The following KCNQ5 variants were observed in gnomAD, a reference collection of about 807,000 sequenced individuals.
The protein encoded by KCNQ5 is potassium voltage-gated channel subfamily Q member 5.
Under a neutral mutation model 98.2 loss-of-function variants are expected in KCNQ5, and 30 were observed. That is an observed-to-expected ratio of 0.31 (90% confidence interval 0.23 to 0.41). The LOEUF is 0.41. KCNQ5 is among the 10% of genes least tolerant of loss of function. KCNQ5 has a pLI of 1.00. For synonymous variants in KCNQ5, 458 were observed against 449.4 expected, an observed-to-expected ratio of 1.02 and a Z score of -0.24; for missense variants, 835 against 1,182.5, an observed-to-expected ratio of 0.71 and a Z score of 4.31.
intron 9 of KCNQ5, among the ~76,000 whole-genome samples, chr6:73,130,292 C>T (rs189320957): frequency 3.3e-5 from 5 of 152,300 alleles, no homozygotes; most frequent in Non-Finnish European, 5.9e-5. Context: ...ACACAGTTGC[C>T]TGGCAGAGAA....
At position 72,907,769 on chromosome 6, in the gene KCNQ5, G is replaced by A. The variant is rs969934481; in HGVS notation, c.399-96139G>A. On this transcript the variant is annotated intron_variant, in intron 1 of 13. Transcript: ENST00000370398. Reference sequence around the variant, plus strand: ...GAAGAGATTCTGACCAATCTTCATCGGCAAAATAGGTTAGCTGAGGTTTCT... The same window carrying A: ...GAAGAGATTCTGACCAATCTTCATCAGCAAAATAGGTTAGCTGAGGTTTCT... 1.3e-4 allele frequency among the ~76,000 whole-genome samples: 19 copies of A among 151,912 alleles called. No individual in the cohort carries two copies. The East Asian group carries it at 1.5e-3, about 12-fold the overall frequency.
intron 1 of KCNQ5, among the ~76,000 whole-genome samples, chr6:72,927,368 T>C (rs1765475023): frequency 6.6e-6 from 1 of 152,154 alleles, no homozygotes. Context: ...GAAAACTGTT[T>C]GATTTGTTTA....
chr6:73,169,612 T>C (rs1777929860), intron 10 of KCNQ5, 134 bp from the exon 11 acceptor site: 2 of 641,166 alleles, frequency 3.1e-6, no homozygotes, highest in Non-Finnish European at 5.6e-6. Context: ...GCAAGACAAT[T>C]GGCTGACCTT....
At chr6:73,011,011 C>T (rs938903172) in intron 2 of KCNQ5, among the ~76,000 whole-genome samples, 11 of 151,948 alleles carry the variant, frequency 7.2e-5, no homozygotes, top group African/African-American at 2.7e-4. Context: ...AATAGAAAAA[C>T]CCATCCTAGA....
chr6:72,959,343 T>C (rs1767230476), intron 1 of KCNQ5, among the ~76,000 whole-genome samples: 2 of 152,180 alleles, frequency 1.3e-5, no homozygotes. Context: ...ACTTTCATAT[T>C]TGGGCAAGGA....
chr6:73,172,435 A>G (rs1161826876), intron 11 of KCNQ5, among the ~76,000 whole-genome samples: 1 of 152,210 alleles, frequency 6.6e-6, no homozygotes, highest in Non-Finnish European at 1.5e-5. Flanking sequence ...GATACACTCA[A>G]TAGCTTAATA....
At chr6:72,777,801 G>T (rs986562693) in intron 1 of KCNQ5, among the ~76,000 whole-genome samples, 2 of 152,102 alleles carry the variant, frequency 1.3e-5, no homozygotes, top group African/African-American at 4.8e-5. Context: ...CCCCATAGAG[G>T]CCATCATCTT....
At chr6:73,062,371 A>T (rs559532227) in intron 3 of KCNQ5, among the ~76,000 whole-genome samples, 1 of 152,322 alleles carries the variant, frequency 6.6e-6, no homozygotes, top group South Asian at 2.1e-4. Context: ...GAAGGCATCC[A>T]TCTGGTCCAC....
Position 72,691,057 on chromosome 6 carries a change from T to C in KCNQ5, c.398+68470T>C, listed in dbSNP as rs376103368. 3.9e-4 allele frequency among the ~76,000 whole-genome samples: 60 copies of C among 152,344 alleles called. 2 individuals carry two copies. The highest frequency in any genetic ancestry group is 1.3e-3 in the African/African-American group (56 of 41,588). ...GTAATAGAGAGCAAACTGGCTTTTC[T>C]TCTTAGCATAGGTTTTTGGAAACTT... On this transcript the variant is annotated intron_variant, in intron 1 of 13. Transcript: ENST00000370398.
chr6:72,836,436 G>A (rs62412471), intron 1 of KCNQ5, among the ~76,000 whole-genome samples: 2 of 151,710 alleles, frequency 1.3e-5, no homozygotes, highest in African/African-American at 2.4e-5. Flanking sequence ...CTCTCTCTCT[G>A]TGTGTGTATA....
At chr6:73,049,110 C>T (rs974728758) in intron 3 of KCNQ5, among the ~76,000 whole-genome samples, 3 of 152,098 alleles carry the variant, frequency 2.0e-5, no homozygotes, top group Non-Finnish European at 4.4e-5. Flanking sequence ...TGCAGTTAAA[C>T]CCCTGCACAT....
chr6:73,011,987 T>G (rs1197440550), intron 2 of KCNQ5, among the ~76,000 whole-genome samples: 1 of 152,070 alleles, frequency 6.6e-6, no homozygotes, highest in African/African-American at 2.4e-5. Context: ...GGTGAGGATG[T>G]GGGAAAATGG....
chr6:72,898,571 T>C (rs552288473), intron 1 of KCNQ5, among the ~76,000 whole-genome samples: 61 of 152,360 alleles, frequency 4.0e-4, no homozygotes, highest in African/African-American at 1.5e-3. Context: ...GTCCAGTCTA[T>C]AATTGATGAA....
At chr6:73,119,042 A>C (rs974298745) in intron 7 of KCNQ5, among the ~76,000 whole-genome samples, 2 of 152,212 alleles carry the variant, frequency 1.3e-5, no homozygotes, top group Non-Finnish European at 2.9e-5. Flanking sequence ...TAATAAATAA[A>C]TAGGTTTGTC....
chr6:72,954,262 G>GT (rs1766939376), intron 1 of KCNQ5, among the ~76,000 whole-genome samples: 1 of 152,132 alleles, frequency 6.6e-6, no homozygotes, highest in Admixed American at 6.6e-5. Context: ...ATGCAGACCT[G>GT]TATGCCTTTA....
chr6:73,025,652 AAAAAAAAT>A (rs1390500365), intron 2 of KCNQ5, among the ~76,000 whole-genome samples: 5 of 24,910 alleles, frequency 2.0e-4, no homozygotes, highest in Non-Finnish European at 1.1e-3. Flanking sequence ...AAAAAAAAAA[AAAAAAAAT>A]TCAAGTGTTC....
intron 10 of KCNQ5, among the ~76,000 whole-genome samples, chr6:73,139,360 G>C (rs553723718): frequency 6.6e-6 from 1 of 152,164 alleles, no homozygotes; most frequent in East Asian, 1.9e-4. Flanking sequence ...GATCAAGTGT[G>C]GGGGGAAGTA....
intron 1 of KCNQ5, among the ~76,000 whole-genome samples, chr6:72,903,472 A>G (rs1779585946): frequency 1.3e-5 from 2 of 152,140 alleles, no homozygotes; most frequent in South Asian, 2.1e-4. Flanking sequence ...CTTTAGGACT[A>G]TGAACTTTCC....
intron 1 of KCNQ5, among the ~76,000 whole-genome samples, chr6:72,930,026 C>T (rs987254775): frequency 1.3e-5 from 2 of 152,042 alleles, no homozygotes; most frequent in African/African-American, 4.8e-5. Context: ...TTTGTGCTCT[C>T]CTCCTTTTCT....
Sources: gnomAD v4.1 joint callset for allele counts (sites outside exome capture counted in the v4.1 genomes callset) on GRCh38, gnomAD v4.1.1 for gene constraint, MANE v1.5 for transcripts, NCBI Gene and HGNC (gene_info 2026-07-23, HGNC 2026-07-21) for gene names.